TRMU: variants seen among roughly 807,000 people sequenced by gnomAD.
TRMU encodes tRNA mitochondrial 2-thiouridylase, also known as mitochondrial tRNA-specific 2-thiouridylase 1.
In TRMU, 49 loss-of-function variants were observed where a neutral mutation model predicts 46.9. The ratio of observed to expected loss-of-function variants is 1.05; its 90% CI spans 0.83 to 1.33. The LOEUF (loss-of-function observed/expected upper bound fraction) is 1.33. Ranked by LOEUF, TRMU falls within the 40% of genes most tolerant of loss-of-function variation. The pLI, the probability that TRMU is intolerant of heterozygous loss-of-function variation, is 0.00. For missense variants in TRMU, 572 were observed against 532.4 expected, an observed-to-expected ratio of 1.07 and a Z score of -0.73; for synonymous variants, 241 against 200.9, an observed-to-expected ratio of 1.20 and a Z score of -1.69.
Position 46,355,690 on chromosome 22 carries a change from T to C in TRMU, c.1018+102T>C, listed in dbSNP as rs1452998962. On this transcript the variant is annotated intron_variant, in intron 9 of 10. Coordinates refer to ENST00000645190, the MANE Select transcript of TRMU (RefSeq NM_018006.5). ...GAGACCCTGGGGTAGGAAAGTCCCGTTGTGGAGATCATTTGGAGATTACCT... is the reference window on the plus strand; with the variant it reads ...GAGACCCTGGGGTAGGAAAGTCCCGCTGTGGAGATCATTTGGAGATTACCT... 5 of 1,572,494 alleles carry C rather than the reference T, an allele frequency of 3.2e-6. No individual in the cohort carries two copies. The African/African-American group carries it at 4.1e-5, about 13-fold the overall frequency.
Position 46,350,953 on chromosome 22 carries a change from C to T in TRMU, c.651+490C>T, listed in dbSNP as rs2147084957. The stretch of plus-strand genomic sequence containing the variant: ...GCGCACACAGTTCCATCTTCGCCTC[C>T]ATGGAGCCCGCCCGCGAGTGGGGGA... On this transcript the variant is annotated intron_variant, in intron 5 of 10. Coordinates refer to ENST00000645190, the MANE Select transcript of TRMU (RefSeq NM_018006.5). This position sits in a 1 kb window ranked among gnomAD's most constrained non-coding sequence, Gnocchi z 4.6. Among the ~76,000 whole-genome samples, 1 of 152,366 alleles carries T rather than the reference C, an allele frequency of 6.6e-6. No individual in the cohort carries two copies. Among genetic ancestry groups the T allele is most frequent in the Admixed American group, 6.5e-5 (1 of 15,304 alleles).
chr22:46,351,731 T>C lies in TRMU; in HGVS notation c.652-390T>C, dbSNP rs1420890760. The C allele has an allele frequency of 8.4e-6, 3 of 359,056 alleles. No homozygotes were observed. Among genetic ancestry groups the C allele is most frequent in the Non-Finnish European group, 1.6e-5 (3 of 185,172 alleles). The allele number at this position is 359,056 out of a possible 1,614,324, so 22.2% of individuals were successfully genotyped here. A position where few individuals can be genotyped will look rare whatever the true frequency, so the allele number is the denominator to read the frequency against. ...AGGCGCCTCTCTCCTCTGACTCCCC[T>C]GGAGCCCTCCCCTAAGGCCTTAGCT... On this transcript the variant is annotated intron_variant, in intron 5 of 10. Transcript: ENST00000645190. The surrounding 1 kb of genome is among the most constrained non-coding windows in gnomAD (Gnocchi z 6.4).
rs960874353 is a variant in TRMU, at chr22:46,351,783, C to T, written c.652-338C>T. ...CAGGCCTGGCTTTCCTGCTACCTGC[C>T]CCTTCTCTGGTCCCTGTCTCTCCCC... On this transcript the variant is annotated intron_variant, in intron 5 of 10. Coordinates refer to ENST00000645190, the MANE Select transcript of TRMU (RefSeq NM_018006.5). The surrounding 1 kb of genome is among the most constrained non-coding windows in gnomAD (Gnocchi z 6.4). 7.1e-6 allele frequency: 3 copies of T among 421,398 alleles called. No homozygotes were observed. Among genetic ancestry groups the T allele is most frequent in the African/African-American group, 4.1e-5 (2 of 49,190 alleles). The allele number at this position is 421,398 out of a possible 1,614,324, so 26.1% of individuals were successfully genotyped here.
rs1379091170 is a variant in TRMU, at chr22:46,338,029, G to A, written c.248+85G>A. The A allele has an allele frequency of 5.1e-6, 8 of 1,575,024 alleles. No homozygotes were observed. The highest frequency in any genetic ancestry group is 7.0e-6 in the Non-Finnish European group (8 of 1,147,100). On this transcript the variant is annotated intron_variant, in intron 2 of 10. Transcript: ENST00000645190. The surrounding 1 kb of genome is among the most constrained non-coding windows in gnomAD (Gnocchi z 4.5). ...GGATCCGGTAACCAGCCAGACCGAC[G>A]CCTGTGCTGCAGCCCAGCGCTCTCC... is the stretch of plus-strand genomic sequence containing the variant.
intron 1 of TRMU, among the ~76,000 whole-genome samples, chr22:46,337,494 G>A (rs933898374): frequency 6.6e-6 from 1 of 152,018 alleles, no homozygotes; most frequent in African/African-American, 2.4e-5. Context: ...CTATTCCTTC[G>A]TGTATTCCAC....
chr22:46,355,822 C>T, intron 9 of TRMU, 168 bp from the exon 10 acceptor site: 2 of 991,528 alleles, frequency 2.0e-6, no homozygotes, highest in South Asian at 1.4e-5. Flanking sequence ...CAAGTGTGTA[C>T]ACTGCCCCGC....
chr22:46,346,562 G>A lies in TRMU; in HGVS notation c.478+18G>A. 1 of 1,606,356 alleles carries A rather than the reference G, an allele frequency of 6.2e-7. No homozygotes were observed. The highest frequency in any genetic ancestry group is 1.7e-4 in the Middle Eastern group (1 of 6,008). On this transcript the variant is annotated intron_variant, in intron 4 of 10. Coordinates refer to ENST00000645190, the MANE Select transcript of TRMU (RefSeq NM_018006.5). ...TAGAAATGGTAAGTTCATGTGCCCA[G>A]GTCAGAGCCAAATTCTTGTGAACAG...
At position 46,336,115 on chromosome 22, in the gene TRMU, C is replaced by T; in HGVS notation, c.82+269C>T. On this transcript the variant is annotated intron_variant, in intron 1 of 10. Coordinates refer to ENST00000645190, the MANE Select transcript of TRMU (RefSeq NM_018006.5). The surrounding 1 kb of genome is among the most constrained non-coding windows in gnomAD (Gnocchi z 4.1). ...ACGCGCGCCCACCCACAGTGAGAAG[C>T]CGGCGGGCCGGGGTGGGGTGGGGAG... 4 of 1,344,990 alleles carry T rather than the reference C, an allele frequency of 3.0e-6. No homozygotes were observed. In the East Asian group the frequency reaches 9.6e-5, roughly 32 times the overall value. 83.3% of individuals were successfully genotyped at this position (1,344,990 alleles called of 1,614,324 possible).
intron 1 of TRMU, among the ~76,000 whole-genome samples, chr22:46,337,149 T>G (rs528307750): frequency 2.0e-5 from 3 of 152,338 alleles, no homozygotes; most frequent in African/African-American, 7.2e-5. Context: ...TGAAGCCTTC[T>G]TCAGCAGTCA....
intron 3 of TRMU, among the ~76,000 whole-genome samples, 158 bp from the exon 4 acceptor site, chr22:46,346,264 G>C (rs1446031978): frequency 6.6e-6 from 1 of 152,230 alleles, no homozygotes; most frequent in Non-Finnish European, 1.5e-5. Context: ...GTGTGCGTCT[G>C]TTCCCTGGGA....
rs994341617 is a variant in TRMU at position 46,342,968 on chromosome 22, G to A, written c.249-294G>A. On this transcript the variant is annotated intron_variant, in intron 2 of 10. Coordinates refer to ENST00000645190, the MANE Select transcript of TRMU (RefSeq NM_018006.5). The surrounding 1 kb of genome is among the most constrained non-coding windows in gnomAD (Gnocchi z 4.7). The stretch of plus-strand genomic sequence containing the variant: ...CTGTGTTGGAGGAGTCCCAGAGGCA[G>A]GGTTTTAGTGAGACCCTCACGGCCA... Among the ~76,000 whole-genome samples, 8 of 152,220 alleles carry A rather than the reference G, an allele frequency of 5.3e-5. No homozygotes were observed. The highest frequency in any genetic ancestry group is 1.9e-4 in the African/African-American group (8 of 41,462).
chr22:46,352,212 G>A lies in TRMU; in HGVS notation c.705+38G>A, dbSNP rs769193778. 16 of 1,613,732 alleles carry A rather than the reference G, an allele frequency of 9.9e-6. No homozygotes were observed. In the East Asian group the frequency reaches 1.3e-4, roughly 13 times the overall value. On this transcript the variant is annotated intron_variant, in intron 6 of 10. Coordinates refer to ENST00000645190, the MANE Select transcript of TRMU (RefSeq NM_018006.5). ...CTTTGACACAAAGAGATGGGGCTGCGTGTCTGCCCTGGGCCTAGATCTCCG... is the reference window on the plus strand; with the variant it reads ...CTTTGACACAAAGAGATGGGGCTGCATGTCTGCCCTGGGCCTAGATCTCCG...
intron 3 of TRMU, among the ~76,000 whole-genome samples, chr22:46,343,617 C>A (rs2078179836): frequency 6.6e-6 from 1 of 152,174 alleles, no homozygotes; most frequent in African/African-American, 2.4e-5. Flanking sequence ...CTTAAGCAGT[C>A]CTCCTGCCTC....
At chr22:46,341,952 G>C (rs1263087761) in intron 2 of TRMU, among the ~76,000 whole-genome samples, 3 of 151,926 alleles carry the variant, frequency 2.0e-5, no homozygotes, top group African/African-American at 7.3e-5. Flanking sequence ...GGAAGCCTCT[G>C]ACTGTGTTTC....
At position 46,352,316 on chromosome 22, in the gene TRMU, T is replaced by C. The variant is rs766314948; in HGVS notation, c.758T>C (p.Leu253Pro). Residue 253 changes from leucine to proline, a missense_variant, in exon 7 of 11, where the codon CTG becomes CCG. Physicochemically the swap from Leu to Pro is moderately conservative, Grantham distance 98 (BLOSUM62 -3). Transcript: ENST00000645190. Reference protein sequence around the residue: ...HFISIEDNKVLGTHKGWFLYT... With the variant: ...HFISIEDNKVPGTHKGWFLYT... ...ATTTCCATAGAAGACAATAAGGTTC[T>C]GGGAACACATAAAGGTGAGGTGCAG... 1 of 1,614,074 alleles carries C rather than the reference T, an allele frequency of 6.2e-7. No homozygotes were observed. Among genetic ancestry groups the C allele is most frequent in the Admixed American group, 1.7e-5 (1 of 60,022 alleles).
rs1459375695 is a variant in TRMU at position 46,337,806 on chromosome 22, A to C, written c.110A>C (p.Lys37Thr). ...RGYQVTGVFMKNWDSLDEHGV... is the reference protein window; with the variant it reads ...RGYQVTGVFMTNWDSLDEHGV... ...TACCAGGTGACAGGGGTGTTTATGAAGAACTGGGACTCACTGGATGAACAT... is the reference window on the plus strand; with the variant it reads ...TACCAGGTGACAGGGGTGTTTATGACGAACTGGGACTCACTGGATGAACAT... Residue 37 changes from lysine to threonine, a missense_variant, in exon 2 of 11, where the codon AAG becomes ACG. Transcript: ENST00000645190. The C allele has an allele frequency of 6.2e-7, 1 of 1,614,136 alleles. No individual in the cohort carries two copies. Among genetic ancestry groups the C allele is most frequent in the African/African-American group, 1.3e-5 (1 of 74,940 alleles).
rs1266818592 is a variant in TRMU at position 46,349,505 on chromosome 22, C to G, written c.479-786C>G. Among the ~76,000 whole-genome samples the G allele has an allele frequency of 2.6e-5, 4 of 152,254 alleles. No homozygotes were observed. Among genetic ancestry groups the G allele is most frequent in the Non-Finnish European group, 5.9e-5 (4 of 68,046 alleles). Reference sequence around the variant, plus strand: ...TGACCGTCACGGCATGTGGCGTGCTCTGAGTGTAACTCGAAAGGAGAAGTT... The same window carrying G: ...TGACCGTCACGGCATGTGGCGTGCTGTGAGTGTAACTCGAAAGGAGAAGTT... On this transcript the variant is annotated intron_variant, in intron 4 of 10. Coordinates refer to ENST00000645190, the MANE Select transcript of TRMU (RefSeq NM_018006.5). This position sits in a 1 kb window ranked among gnomAD's most constrained non-coding sequence, Gnocchi z 4.6.
At position 46,339,116 on chromosome 22, in the gene TRMU, A is replaced by G. The variant is rs2078055160; in HGVS notation, c.248+1172A>G. On this transcript the variant is annotated intron_variant, in intron 2 of 10. Transcript: ENST00000645190. The surrounding 1 kb of genome is among the most constrained non-coding windows in gnomAD (Gnocchi z 4.8). The stretch of plus-strand genomic sequence containing the variant: ...TTAGGTTCTAGTATGTATGCCTGGT[A>G]TATTAGTAAGCAGTCAATAAACATA... Among the ~76,000 whole-genome samples, 1 of 152,126 alleles carries G rather than the reference A, an allele frequency of 6.6e-6. No homozygotes were observed. The highest frequency in any genetic ancestry group is 2.4e-5 in the African/African-American group (1 of 41,412).
At position 46,350,227 on chromosome 22, in the gene TRMU, T is replaced by G; in HGVS notation, c.479-64T>G. ...GTCTGTCTAAGTGAACAGAAGGACA[T>G]TGTTGAAAGTGAAGTATCATTATTT... On this transcript the variant is annotated intron_variant, in intron 4 of 10. Transcript: ENST00000645190. The surrounding 1 kb of genome is among the most constrained non-coding windows in gnomAD (Gnocchi z 4.6). 6.3e-7 allele frequency: 1 copy of G among 1,594,584 alleles called. No homozygotes were observed. Among genetic ancestry groups the G allele is most frequent in the East Asian group, 2.2e-5 (1 of 44,700 alleles).
Sources: allele counts gnomAD v4.1 joint callset (sites outside exome capture counted in the v4.1 genomes callset), GRCh38; gene constraint gnomAD v4.1.1; non-coding constraint Gnocchi (gnomAD v3.1); transcripts MANE v1.5; gene names NCBI Gene and HGNC (gene_info 2026-07-23, HGNC 2026-07-21).